Variants in RAB5A observed in about 807,000 individuals in gnomAD.
RAB5A encodes ras-related protein Rab-5A.
Under a neutral mutation model 25.7 loss-of-function variants are expected in RAB5A, and 8 were observed. The ratio of observed to expected loss-of-function variants is 0.31; its 90% confidence interval spans 0.18 to 0.56. The LOEUF (loss-of-function observed/expected upper bound fraction) is 0.56, where lower values mean the gene tolerates loss of function less well. RAB5A is among the 20% of genes least tolerant of loss of function. The probability of loss-of-function intolerance (pLI) is 0.91; values close to 1 mark genes in which losing one functional copy is unlikely to be tolerated. For missense variants in RAB5A, 192 were observed against 259.7 expected (o/e 0.74, Z 1.79); for synonymous variants, 98 against 89.8 (o/e 1.09, Z -0.52).
chr3:19,962,339 G>T (rs1696597848), intron 2 of RAB5A, among the ~76,000 whole-genome samples: 1 of 152,168 alleles, frequency 6.6e-6, no homozygotes, highest in African/African-American at 2.4e-5. Flanking sequence ...GGAGACTGAG[G>T]TGGGCAGATC....
intron 2 of RAB5A, 136 bp downstream of exon 2, chr3:19,951,197 G>T: frequency 3.1e-6 from 3 of 956,294 alleles, no homozygotes; most frequent in Non-Finnish European, 3.0e-6. Flanking sequence ...GCTTACCTTA[G>T]CTTTAAAACT....
chr3:19,956,410 C>A (rs1024521829), intron 2 of RAB5A, among the ~76,000 whole-genome samples: 1 of 151,632 alleles, frequency 6.6e-6, no homozygotes, highest in Admixed American at 6.6e-5. Flanking sequence ...GCCGAGATCG[C>A]GCCATTGCAC....
intron 2 of RAB5A, among the ~76,000 whole-genome samples, chr3:19,958,776 A>G (rs1482185042): frequency 6.6e-6 from 1 of 152,158 alleles, no homozygotes; most frequent in African/African-American, 2.4e-5. Flanking sequence ...CAGAGGTTGC[A>G]GTGAGCTGAG....
intron 2 of RAB5A, among the ~76,000 whole-genome samples, chr3:19,956,189 C>T (rs893642642): frequency 4.6e-5 from 7 of 151,958 alleles, no homozygotes; most frequent in Non-Finnish European, 8.8e-5. Flanking sequence ...TAGTGTAGGC[C>T]GGGCGCAGTG....
intron 2 of RAB5A, among the ~76,000 whole-genome samples, chr3:19,971,299 T>C (rs1406637794): frequency 6.6e-6 from 1 of 152,148 alleles, no homozygotes; most frequent in Non-Finnish European, 1.5e-5. Context: ...GAGTTTATTA[T>C]AGTGGGCTAC....
chr3:19,973,813 G>A (rs1003893280), intron 2 of RAB5A, among the ~76,000 whole-genome samples: 1 of 152,114 alleles, frequency 6.6e-6, no homozygotes, highest in Non-Finnish European at 1.5e-5. Flanking sequence ...AAAAGAGCGT[G>A]AAAAATAAAT....
intron 2 of RAB5A, among the ~76,000 whole-genome samples, chr3:19,962,877 G>C (rs955474040): frequency 6.6e-6 from 1 of 151,898 alleles, no homozygotes; most frequent in African/African-American, 2.4e-5. Flanking sequence ...CAGTGACGCT[G>C]TCATAGCTCA....
chr3:19,950,038 C>A (rs9968079), intron 1 of RAB5A, among the ~76,000 whole-genome samples: 108,028 of 151,922 alleles, frequency 0.71, 39,034 homozygotes, highest in Non-Finnish European at 0.76. Context: ...ACCCTTTCTC[C>A]AAAAAAATTT....
intron 2 of RAB5A, among the ~76,000 whole-genome samples, chr3:19,959,071 G>A (rs1216754728): frequency 1.3e-5 from 2 of 152,166 alleles, no homozygotes; most frequent in East Asian, 3.9e-4. Flanking sequence ...ATCATTATGA[G>A]CATCAGTTTT....
At chr3:19,953,288 C>T (rs769211639) in intron 2 of RAB5A, among the ~76,000 whole-genome samples, 1 of 152,068 alleles carries the variant, frequency 6.6e-6, no homozygotes, top group African/African-American at 2.4e-5. Context: ...ATATAATCTC[C>T]ATGTAACACC....
In RAB5A at chr3:19,983,556, C is replaced by G. The variant is rs115553606; in HGVS notation, c.533-152C>G. ...AGACAGCAACCAATATTTTGGCATT[C>G]AATACTCAGTAAACATTTGAAAAGA... is the stretch of plus-strand genomic sequence containing the variant. On this transcript the variant is annotated intron_variant, in intron 5 of 5. Transcript: ENST00000273047. The G allele has an allele frequency of 5.4e-4, 332 of 620,426 alleles. 2 individuals carry two copies. The African/African-American group carries it at 5.5e-3, about 10-fold the overall frequency. The allele number at this position is 620,426 out of a possible 1,614,324, so 38.4% of individuals were successfully genotyped here.
chr3:19,975,439 T>C lies in RAB5A; in HGVS notation c.164-162T>C. 3 of 610,538 alleles carry C rather than the reference T, an allele frequency of 4.9e-6. No homozygotes were observed. In the East Asian group the frequency reaches 9.4e-5, roughly 19 times the overall value. 37.8% of individuals were successfully genotyped at this position (610,538 alleles called of 1,614,324 possible). A position where few individuals can be genotyped will look rare whatever the true frequency, so the allele number is the denominator to read the frequency against. ...TGTCAAGTTTCTAGGTGTTTTCTTT[T>C]TTTTTCCCCCCTCATTTATTACTTT... On this transcript the variant is annotated intron_variant, in intron 2 of 5. Coordinates refer to ENST00000273047, the MANE Select transcript of RAB5A (RefSeq NM_004162.5).
At chr3:19,951,188 C>A in intron 2 of RAB5A, 127 bp downstream of exon 2, 1 of 1,035,610 alleles carries the variant, frequency 9.7e-7, no homozygotes, top group Non-Finnish European at 1.4e-6. Flanking sequence ...AGCTGTTCAG[C>A]TTACCTTAGC....
At chr3:19,980,445 A>ATTTTTTTTTT (rs11441052) in intron 5 of RAB5A, among the ~76,000 whole-genome samples, 2 of 148,102 alleles carry the variant, frequency 1.4e-5, no homozygotes. Flanking sequence ...AGGTTAGTAA[A>ATTTTTTTTTT]TTTTTTTTTC....
chr3:19,980,000 CAG>C (rs1294219549), intron 5 of RAB5A: 2 of 152,214 alleles, frequency 1.3e-5, no homozygotes. Flanking sequence ...CACTAGGTGA[CAG>C]AGTTTAATGG....
chr3:19,974,881 C>G (rs1035706776), intron 2 of RAB5A, among the ~76,000 whole-genome samples: 1 of 152,148 alleles, frequency 6.6e-6, no homozygotes, highest in African/African-American at 2.4e-5. Context: ...TTTCCCCCAA[C>G]TTCATTTTTT....
At chr3:19,975,325 A>G (rs1286106498) in intron 2 of RAB5A, among the ~76,000 whole-genome samples, 1 of 152,204 alleles carries the variant, frequency 6.6e-6, no homozygotes, top group African/African-American at 2.4e-5. Flanking sequence ...TTTCACTACA[A>G]AGGCCCTATA....
intron 2 of RAB5A, 199 bp from the exon 3 acceptor site, chr3:19,975,402 G>T: frequency 2.1e-6 from 1 of 475,210 alleles, no homozygotes; most frequent in Non-Finnish European, 3.7e-6. Flanking sequence ...TATCAGCTGT[G>T]GGTATGCAAT....
At chr3:19,952,258 T>C (rs916635448) in intron 2 of RAB5A, among the ~76,000 whole-genome samples, 2 of 152,242 alleles carry the variant, frequency 1.3e-5, no homozygotes, top group African/African-American at 4.8e-5. Context: ...GGCCTCTGTT[T>C]CATCTGTGAA....
Sources: allele counts gnomAD v4.1 joint callset (sites outside exome capture counted in the v4.1 genomes callset), GRCh38; gene constraint gnomAD v4.1.1; transcripts MANE v1.5; gene names NCBI Gene and HGNC (gene_info 2026-07-23, HGNC 2026-07-21).